Variants in NIBAN2 observed in about 807,000 individuals in gnomAD.
NIBAN2 encodes protein Niban 2.
Under a neutral mutation model 81.8 loss-of-function variants are expected in NIBAN2, and 36 were observed. The observed-to-expected ratio is 0.44, with a 90% confidence interval of 0.34 to 0.58. The LOEUF (loss-of-function observed/expected upper bound fraction) is 0.58. NIBAN2 is among the 20% of genes least tolerant of loss of function. The pLI is 0.02. For missense variants in NIBAN2, 897 were observed against 1,014.1 expected (o/e 0.88, Z 1.57); for synonymous variants, 445 against 441.6 (o/e 1.01, Z -0.10).
At position 127,508,567 on chromosome 9, in the gene NIBAN2, C is replaced by A. The variant is rs201420442; in HGVS notation, c.1318-29G>T. Reference sequence around the variant, plus strand: ...CAGGGCATACCGCGGACATGTGAAGCCCCCAGGGTGACCACAGCCCCTTCC... The same window carrying A: ...CAGGGCATACCGCGGACATGTGAAGACCCCAGGGTGACCACAGCCCCTTCC... On this transcript the variant is annotated intron_variant, in intron 10 of 13. Transcript: ENST00000373312. The surrounding 1 kb of genome is among the most constrained non-coding windows in gnomAD (Gnocchi z 6.4). The A allele has an allele frequency of 1.9e-6, 3 of 1,573,792 alleles. No homozygotes were observed. The highest frequency in any genetic ancestry group is 2.6e-6 in the Non-Finnish European group (3 of 1,145,034).
At chr9:127,525,302 G>A in intron 3 of NIBAN2, 139 bp from the exon 4 acceptor site, 2 of 624,494 alleles carry the variant, frequency 3.2e-6, no homozygotes, top group Non-Finnish European at 5.7e-6. Flanking sequence ...GAGGAACAGA[G>A]GGGAGAATGT....
At position 127,507,163 on chromosome 9, in the gene NIBAN2, T is replaced by G. The variant is rs1331950299; in HGVS notation, c.1923A>C (p.Ser641=). The part of the protein sequence containing the change: ...VGLPFEASPE[S]PPPASPDGVT... ...CACCGTCCGGGGACGCAGGTGGTGG[T>G]GACTCAGGGCTAGCCTCAAAGGGCA... The change falls in exon 14 of 14, where the codon TCA becomes TCC. Residue 641 remains serine, a synonymous_variant. Transcript: ENST00000373312. The surrounding 1 kb of genome is among the most constrained non-coding windows in gnomAD (Gnocchi z 6.8). 6.2e-7 allele frequency: 1 copy of G among 1,611,174 alleles called. No individual in the cohort carries two copies. Among genetic ancestry groups the G allele is most frequent in the East Asian group, 2.2e-5 (1 of 44,814 alleles).
At chr9:127,562,609 G>C (rs931138485) in intron 1 of NIBAN2, among the ~76,000 whole-genome samples, 1 of 152,162 alleles carries the variant, frequency 6.6e-6, no homozygotes, top group Non-Finnish European at 1.5e-5. Flanking sequence ...CACTAGCCCC[G>C]AACGATGCTC....
chr9:127,519,991 A>G (rs1284420192), intron 5 of NIBAN2, among the ~76,000 whole-genome samples: 3 of 152,166 alleles, frequency 2.0e-5, no homozygotes, highest in Non-Finnish European at 4.4e-5. Flanking sequence ...CCAGGTGGCG[A>G]GAAGGTGAGG....
chr9:127,523,892 T>C (rs772833424), intron 4 of NIBAN2, 46 bp from the exon 5 acceptor site: 11 of 1,575,334 alleles, frequency 7.0e-6, no homozygotes, highest in Non-Finnish European at 9.6e-6. Flanking sequence ...GTGGTTGCCC[T>C]CCACCAGAGG....
At chr9:127,558,749 C>T (rs1837721061) in intron 1 of NIBAN2, among the ~76,000 whole-genome samples, 1 of 152,180 alleles carries the variant, frequency 6.6e-6, no homozygotes. Flanking sequence ...AACAGAAGTG[C>T]AATTGTCAGC....
chr9:127,515,520 CAAAAA>C (rs60740827), intron 8 of NIBAN2, among the ~76,000 whole-genome samples: 2 of 90,502 alleles, frequency 2.2e-5, no homozygotes, highest in Non-Finnish European at 2.0e-5. Flanking sequence ...GACTCCGTCT[CAAAAA>C]AAAAAAAAAA....
At chr9:127,576,974 A>G (rs1838017525) in intron 1 of NIBAN2, among the ~76,000 whole-genome samples, 1 of 151,606 alleles carries the variant, frequency 6.6e-6, no homozygotes, top group African/African-American at 2.4e-5. Context: ...TACAGGTGTA[A>G]GGCACCATGC....
intron 5 of NIBAN2, among the ~76,000 whole-genome samples, chr9:127,521,548 C>A (rs1185686238): frequency 6.6e-6 from 1 of 152,026 alleles, no homozygotes; most frequent in Non-Finnish European, 1.5e-5. Flanking sequence ...CCTCCTTCCC[C>A]CCACCCCCCA....
At chr9:127,518,799 T>C (rs575561582) in intron 5 of NIBAN2, among the ~76,000 whole-genome samples, 1 of 152,358 alleles carries the variant, frequency 6.6e-6, no homozygotes, top group African/African-American at 2.4e-5. Context: ...AGGAGCCAGC[T>C]GCCTGCCCCA....
chr9:127,573,934 A>G (rs927317343), upstream of NIBAN2, among the ~76,000 whole-genome samples: 2 of 152,184 alleles, frequency 1.3e-5, no homozygotes, highest in Non-Finnish European at 2.9e-5. Context: ...CTGGGATTAC[A>G]GGTATGAGCC....
rs913458167 is a variant in NIBAN2 at position 127,505,523 on chromosome 9, A to T, written c.*1322T>A. On this transcript the variant is annotated 3_prime_UTR_variant, in exon 14 of 14. Coordinates refer to ENST00000373312, the MANE Select transcript of NIBAN2 (RefSeq NM_022833.4). ...CGGCAGCTGGGGGTCCCTGAGTGCCAGGCGCCACCACACGTCCTGTGGGTC... is the reference window on the plus strand; with the variant it reads ...CGGCAGCTGGGGGTCCCTGAGTGCCTGGCGCCACCACACGTCCTGTGGGTC... The T allele has an allele frequency of 6.5e-6, 1 of 152,702 alleles. No individual in the cohort carries two copies. The highest frequency in any genetic ancestry group is 1.5e-5 in the Non-Finnish European group (1 of 68,110). 9.5% of individuals were successfully genotyped at this position (152,702 alleles called of 1,614,324 possible). A position where few individuals can be genotyped will look rare whatever the true frequency, so the allele number is the denominator to read the frequency against.
chr9:127,539,146 AAAAG>A (rs921431300), intron 1 of NIBAN2, among the ~76,000 whole-genome samples: 13 of 152,116 alleles, frequency 8.5e-5, no homozygotes, highest in African/African-American at 2.9e-4. Context: ...CAGTCAAAAA[AAAAG>A]AAAGGAAGAA....
At chr9:127,569,147 ACCCCGCCCCCT>A (rs1361285087), upstream of NIBAN2, 15 of 799,936 alleles carry the variant, frequency 1.9e-5, no homozygotes, top group Non-Finnish European at 1.6e-5. Context: ...CCGCAGGCCA[ACCCCGCCCCCT>A]CCCCGCCCGC....
At chr9:127,556,987 G>A (rs1377603674) in intron 1 of NIBAN2, among the ~76,000 whole-genome samples, 3 of 152,164 alleles carry the variant, frequency 2.0e-5, no homozygotes, top group Non-Finnish European at 4.4e-5. Flanking sequence ...TGAGGCAGAA[G>A]GATTGCCGGA....
Position 127,563,960 on chromosome 9 carries a change from C to T in NIBAN2, c.55+4860G>A, listed in dbSNP as rs968794715. Among the ~76,000 whole-genome samples the T allele has an allele frequency of 2.6e-5, 4 of 152,116 alleles. No individual in the cohort carries two copies. Among genetic ancestry groups the T allele is most frequent in the South Asian group, 2.1e-4 (1 of 4,824 alleles). On this transcript the variant is annotated intron_variant, in intron 1 of 13. Transcript: ENST00000373312. This position sits in a 1 kb window ranked among gnomAD's most constrained non-coding sequence, Gnocchi z 4.1. ...TCCATCTTAGCAGGAGAGTGTCAAA[C>T]GCCTGCTGCCTTCTTAAAGGCTATG...
chr9:127,541,361 A>G (rs2243955), intron 1 of NIBAN2, among the ~76,000 whole-genome samples: 79,627 of 152,150 alleles, frequency 0.52, 22,584 homozygotes, highest in Middle Eastern at 0.68. Context: ...GGCACTGCAC[A>G]TGCACACTCA....
rs556192341 is a variant in NIBAN2, at chr9:127,527,418, C to A, written c.187-96G>T. Reference sequence around the variant, plus strand: ...CCAGCCAGCAGAGCCTGTGTGCGCACCCCCTGCCTAGCATGTCCTCCATTT... The same window carrying A: ...CCAGCCAGCAGAGCCTGTGTGCGCAACCCCTGCCTAGCATGTCCTCCATTT... On this transcript the variant is annotated intron_variant, in intron 2 of 13. Transcript: ENST00000373312. 35 of 1,216,788 alleles carry A rather than the reference C, an allele frequency of 2.9e-5. 1 individual carries two copies. The South Asian group carries it at 4.1e-4, about 14-fold the overall frequency. 75.4% of individuals were successfully genotyped at this position (1,216,788 alleles called of 1,614,324 possible). A position where few individuals can be genotyped will look rare whatever the true frequency, so the allele number is the denominator to read the frequency against.
intron 1 of NIBAN2, among the ~76,000 whole-genome samples, chr9:127,565,210 C>T (rs1168474474): frequency 6.6e-6 from 1 of 152,032 alleles, no homozygotes; most frequent in Non-Finnish European, 1.5e-5. Context: ...AATCCGCCCT[C>T]CTCAGCCTCC....
Sources: allele counts gnomAD v4.1 joint callset (sites outside exome capture counted in the v4.1 genomes callset), GRCh38; gene constraint gnomAD v4.1.1; non-coding constraint Gnocchi (gnomAD v3.1); transcripts MANE v1.5; gene names NCBI Gene and HGNC (gene_info 2026-07-23, HGNC 2026-07-21).